Variants in RYR2 observed in about 807,000 individuals in gnomAD.
RYR2 encodes the protein ryanodine receptor 2.
A neutral mutation model predicts 601.1 loss-of-function variants in RYR2; 227 were observed. That is an observed-to-expected ratio of 0.38 (90% CI 0.34 to 0.42). RYR2 has a LOEUF of 0.42. Among genes scored for constraint, RYR2 ranks in the 10% least tolerant of loss-of-function variants. The pLI is 1.00. For synonymous variants in RYR2, 2,223 were observed against 2,175.1 expected, an observed-to-expected ratio of 1.02 and a Z score of -0.61; for missense variants, 4,646 against 6,156.5, an observed-to-expected ratio of 0.75 and a Z score of 8.21.
At chr1:237,601,588 G>C (rs1421392960) in intron 34 of RYR2, among the ~76,000 whole-genome samples, 2 of 152,044 alleles carry the variant, frequency 1.3e-5, no homozygotes, top group African/African-American at 4.8e-5. Flanking sequence ...AGAGGATTTT[G>C]TATGTTCTCA....
chr1:237,065,569 G>A (rs995873713), intron 1 of RYR2, among the ~76,000 whole-genome samples: 1 of 152,066 alleles, frequency 6.6e-6, no homozygotes, highest in African/African-American at 2.4e-5. Context: ...ACAGGCGTGA[G>A]CCACCGTGCC....
intron 3 of RYR2, chr1:237,352,705 A>G: frequency 4.5e-6 from 1 of 220,176 alleles, no homozygotes; most frequent in Admixed American, 4.9e-5. Flanking sequence ...TTAATGTTAC[A>G]ATAAGACCGT....
intron 16 of RYR2, 148 bp from the exon 17 acceptor site, chr1:237,468,944 A>G (rs1469557913): frequency 1.8e-5 from 11 of 598,376 alleles, no homozygotes; most frequent in African/African-American, 1.3e-4. Flanking sequence ...AGTGTTGTAT[A>G]TGTACGTGTA....
In RYR2 at chr1:237,073,865, T is replaced by TAAAAAAA. The variant is rs770238369; in HGVS notation, c.48+31296_48+31297insAAAAAAA. Among the ~76,000 whole-genome samples the TAAAAAAA allele has an allele frequency of 4.8e-4, 42 of 88,032 alleles. 2 individuals are homozygous for TAAAAAAA. The highest frequency in any genetic ancestry group is 7.3e-4 in the African/African-American group (19 of 26,178). 57.8% of individuals were successfully genotyped at this position (88,032 alleles called of 152,430 possible). A position where few individuals can be genotyped will look rare whatever the true frequency, so the allele number is the denominator to read the frequency against. On this transcript the variant is annotated intron_variant, in intron 1 of 104. Coordinates refer to ENST00000366574, the MANE Select transcript of RYR2 (RefSeq NM_001035.3). ...CAGCCTGGGCGACAGAGACTCCATCTTAAAAAAAAAAAAAAAAAAGCTTCA... is the reference window on the plus strand; with the variant it reads ...CAGCCTGGGCGACAGAGACTCCATCTAAAAAAATAAAAAAAAAAAAAAAAAAGCTTCA...
intron 48 of RYR2, among the ~76,000 whole-genome samples, chr1:237,644,469 C>T (rs893335710): frequency 9.9e-5 from 15 of 151,308 alleles, no homozygotes; most frequent in African/African-American, 1.5e-4. Flanking sequence ...CCTGACCTCA[C>T]GATCCGCCTG....
intron 64 of RYR2, 74 bp downstream of exon 64, chr1:237,699,099 G>T: frequency 1.5e-6 from 1 of 685,782 alleles, no homozygotes; most frequent in African/African-American, 1.8e-5. Context: ...ATATTAAGAA[G>T]GACCCAGTGT....
At chr1:237,211,387 T>G (rs1222001327) in intron 1 of RYR2, among the ~76,000 whole-genome samples, 1 of 152,368 alleles carries the variant, frequency 6.6e-6, no homozygotes, top group Non-Finnish European at 1.5e-5. Flanking sequence ...GATATCTTTG[T>G]TAGCATGATA....
At chr1:237,651,356 C>G (rs1285079494) in intron 50 of RYR2, 55 bp from the exon 51 acceptor site, 4 of 1,171,870 alleles carry the variant, frequency 3.4e-6, no homozygotes, top group African/African-American at 1.5e-5. Flanking sequence ...AATGAATGAT[C>G]TACTTAGTTT....
In RYR2 at chr1:237,781,594, A is replaced by G; in HGVS notation, c.11910A>G (p.Glu3970=). ...QDSSQIELLK[E]LMDLQKDMVV... The stretch of plus-strand genomic sequence containing the variant: ...CCAGTCAAATTGAGCTATTAAAAGA[A>G]TTAATGGATCTGCAGAAGGATATGG... Residue 3970 remains glutamate (E), a synonymous_variant, in exon 89 of 105, where the codon GAA becomes GAG. Coordinates refer to ENST00000366574, the MANE Select transcript of RYR2 (RefSeq NM_001035.3). The G allele has an allele frequency of 3.8e-6, 6 of 1,591,090 alleles. No homozygotes were observed. The East Asian group carries it at 1.4e-4, about 36-fold the overall frequency.
chr1:237,066,868 A>C (rs1206075909), intron 1 of RYR2, among the ~76,000 whole-genome samples: 1 of 151,830 alleles, frequency 6.6e-6, no homozygotes, highest in Non-Finnish European at 1.5e-5. Context: ...CGATCTCCTG[A>C]CCTCGCAATC....
intron 1 of RYR2, among the ~76,000 whole-genome samples, chr1:237,096,279 T>C (rs1274474830): frequency 6.6e-6 from 1 of 152,242 alleles, no homozygotes; most frequent in Non-Finnish European, 1.5e-5. Flanking sequence ...CTTGTTTTGT[T>C]TTGGGATTAA....
At position 237,081,506 on chromosome 1, in the gene RYR2, C is replaced by A. The variant is rs1044684756; in HGVS notation, c.48+38937C>A. On this transcript the variant is annotated intron_variant, in intron 1 of 104. Coordinates refer to ENST00000366574, the MANE Select transcript of RYR2 (RefSeq NM_001035.3). ...TATGTATATACATATATAAATACACCCCCCACATATATATATATATATACA... is the reference window on the plus strand; with the variant it reads ...TATGTATATACATATATAAATACACACCCCACATATATATATATATATACA... 6.3e-5 allele frequency among the ~76,000 whole-genome samples: 5 copies of A among 79,444 alleles called. No individual in the cohort carries two copies. The South Asian group carries it at 1.7e-3, about 27-fold the overall frequency. 52.1% of individuals were successfully genotyped at this position (79,444 alleles called of 152,430 possible). A position where few individuals can be genotyped will look rare whatever the true frequency, so the allele number is the denominator to read the frequency against.
At chr1:237,794,255 C>T (rs986167753) in intron 95 of RYR2, among the ~76,000 whole-genome samples, 2 of 152,100 alleles carry the variant, frequency 1.3e-5, no homozygotes, top group Non-Finnish European at 2.9e-5. Context: ...ACTTCACATC[C>T]ATTACTCAGC....
intron 16 of RYR2, among the ~76,000 whole-genome samples, chr1:237,465,851 G>A (rs538601599): frequency 6.6e-6 from 1 of 152,304 alleles, no homozygotes; most frequent in East Asian, 1.9e-4. Flanking sequence ...CATAAGCATA[G>A]AAAAGGTACA....
chr1:237,308,419 A>G lies in RYR2; in HGVS notation c.169-22459A>G, dbSNP rs146613336. On this transcript the variant is annotated intron_variant, in intron 2 of 104. Coordinates refer to ENST00000366574, the MANE Select transcript of RYR2 (RefSeq NM_001035.3). Reference sequence around the variant, plus strand: ...CTTAATAAACTTGCTTTTGCTTTGCACTGCGCACTCACCTTGAATTATTTC... The same window carrying G: ...CTTAATAAACTTGCTTTTGCTTTGCGCTGCGCACTCACCTTGAATTATTTC... Among the ~76,000 whole-genome samples, 3 of 152,256 alleles carry G rather than the reference A, an allele frequency of 2.0e-5. No homozygotes were observed. In the East Asian group the frequency reaches 5.8e-4, roughly 29 times the overall value.
intron 74 of RYR2, 143 bp from the exon 75 acceptor site, chr1:237,726,130 G>T (rs536692247): frequency 1.6e-6 from 1 of 644,480 alleles, no homozygotes; most frequent in Non-Finnish European, 2.7e-6. Context: ...AAGTTGCCTC[G>T]TGAAAATTTC....
chr1:237,483,049 G>A (rs924061210), intron 17 of RYR2, among the ~76,000 whole-genome samples: 5 of 152,134 alleles, frequency 3.3e-5, no homozygotes, highest in African/African-American at 1.2e-4. Context: ...GTGCCTCGCT[G>A]TGTCTCTCGC....
At chr1:237,830,396 G>C in intron 102 of RYR2, 134 bp from the exon 103 acceptor site, 1 of 627,774 alleles carries the variant, frequency 1.6e-6, no homozygotes, top group South Asian at 1.8e-5. Flanking sequence ...TCGTGGGCTT[G>C]GCACAGCCTC....
At chr1:237,658,551 C>T (rs1019869839) in intron 54 of RYR2, among the ~76,000 whole-genome samples, 2 of 152,060 alleles carry the variant, frequency 1.3e-5, no homozygotes, top group Non-Finnish European at 2.9e-5. Context: ...ACCACCATAC[C>T]TTGCTAATTG....
Sources: gnomAD v4.1 joint callset for allele counts (sites outside exome capture counted in the v4.1 genomes callset) on GRCh38, gnomAD v4.1.1 for gene constraint, MANE v1.5 for transcripts, NCBI Gene and HGNC (gene_info 2026-07-23, HGNC 2026-07-21) for gene names.